Variants in DPP10 observed in about 807,000 individuals in gnomAD.
The protein encoded by DPP10 is inactive dipeptidyl peptidase 10.
A neutral mutation model predicts 120.9 loss-of-function variants in DPP10; 33 were observed. The ratio of observed to expected loss-of-function variants is 0.27; its 90% confidence interval spans 0.21 to 0.37. The LOEUF (loss-of-function observed/expected upper bound fraction) is 0.37. Ranked by LOEUF, DPP10 falls within the 10% of genes least tolerant of loss-of-function variation. The probability of loss-of-function intolerance (pLI) is 1.00; values close to 1 mark genes in which losing one functional copy is unlikely to be tolerated. For missense variants in DPP10, 816 were observed against 942.8 expected (o/e 0.87, Z 1.76); for synonymous variants, 337 against 326.1 (o/e 1.03, Z -0.36).
intron 12 of DPP10, among the ~76,000 whole-genome samples, chr2:115,767,828 A>G (rs1427266386): frequency 1.3e-5 from 2 of 152,152 alleles, no homozygotes; most frequent in Admixed American, 1.3e-4. Context: ...TGAATACATT[A>G]TCAGAAAAGA....
intron 1 of DPP10, among the ~76,000 whole-genome samples, chr2:115,040,983 G>A (rs1403126792): frequency 2.0e-5 from 3 of 152,038 alleles, no homozygotes; most frequent in South Asian, 4.2e-4. Context: ...GCCGGGCATT[G>A]TGGTGGGTGC....
intron 3 of DPP10, among the ~76,000 whole-genome samples, chr2:115,447,947 A>C (rs954126311): frequency 6.6e-6 from 1 of 152,216 alleles, no homozygotes; most frequent in Non-Finnish European, 1.5e-5. Context: ...TGATGATGAT[A>C]ATAAATAATA....
At chr2:115,514,621 T>A (rs2077404249) in intron 4 of DPP10, among the ~76,000 whole-genome samples, 1 of 151,850 alleles carries the variant, frequency 6.6e-6, no homozygotes. Context: ...TACATGTGGC[T>A]ACTTAATTTT....
intron 1 of DPP10, among the ~76,000 whole-genome samples, chr2:115,273,825 G>A (rs2059801484): frequency 1.3e-5 from 2 of 152,194 alleles, no homozygotes; most frequent in Admixed American, 1.3e-4. Flanking sequence ...TTGGAACGAG[G>A]CCAATTTAGT....
At chr2:115,371,592 A>G (rs963891230) in intron 3 of DPP10, among the ~76,000 whole-genome samples, 3 of 152,070 alleles carry the variant, frequency 2.0e-5, no homozygotes, top group Non-Finnish European at 4.4e-5. Flanking sequence ...CCATACTCTG[A>G]GTTACTTAAA....
At chr2:115,774,389 A>G (rs1335768640) in intron 13 of DPP10, among the ~76,000 whole-genome samples, 1 of 152,118 alleles carries the variant, frequency 6.6e-6, no homozygotes, top group Non-Finnish European at 1.5e-5. Context: ...TCAAAGATGC[A>G]CTAAAACCTT....
chr2:114,496,324 C>T (rs1423295956), intron 1 of DPP10, among the ~76,000 whole-genome samples: 1 of 152,136 alleles, frequency 6.6e-6, no homozygotes, highest in Non-Finnish European at 1.5e-5. Context: ...TTGGGGCCTA[C>T]ACCTCTAATG....
At chr2:114,677,069 A>G (rs1193025037) in intron 1 of DPP10, among the ~76,000 whole-genome samples, 1 of 152,128 alleles carries the variant, frequency 6.6e-6, no homozygotes, top group Non-Finnish European at 1.5e-5. Context: ...AGAGTCAATA[A>G]TCTTAGCTAC....
intron 1 of DPP10, among the ~76,000 whole-genome samples, chr2:114,608,045 C>T (rs1400192692): frequency 6.6e-6 from 1 of 152,202 alleles, no homozygotes; most frequent in Non-Finnish European, 1.5e-5. Flanking sequence ...TTTCAGCCAT[C>T]CCTGCAAATA....
At chr2:115,538,204 G>T (rs1575125991) in intron 5 of DPP10, among the ~76,000 whole-genome samples, 1 of 151,970 alleles carries the variant, frequency 6.6e-6, no homozygotes, top group South Asian at 2.1e-4. Context: ...GAAGTAAATT[G>T]CATGAAGACT....
chr2:115,734,977 G>A (rs974718135), intron 8 of DPP10, among the ~76,000 whole-genome samples: 1 of 152,154 alleles, frequency 6.6e-6, no homozygotes, highest in Admixed American at 6.5e-5. Flanking sequence ...AGGGGACACA[G>A]CAGTCACCTG....
chr2:114,707,240 A>T (rs896984353), intron 1 of DPP10: 2 of 152,206 alleles, frequency 1.3e-5, no homozygotes, highest in Non-Finnish European at 2.9e-5. Flanking sequence ...GACAATACTA[A>T]GAATGCATTA....
At chr2:114,584,499 C>G (rs1477082334) in intron 1 of DPP10, among the ~76,000 whole-genome samples, 2 of 150,668 alleles carry the variant, frequency 1.3e-5, no homozygotes, top group Non-Finnish European at 3.0e-5. Context: ...CACCCATTAA[C>G]TCGTCATTTA....
intron 1 of DPP10, among the ~76,000 whole-genome samples, chr2:114,860,160 C>T (rs1289765473): frequency 6.6e-6 from 1 of 152,190 alleles, no homozygotes; most frequent in African/African-American, 2.4e-5. Context: ...AATTAAGTCA[C>T]AAATTCCCTA....
intron 1 of DPP10, among the ~76,000 whole-genome samples, chr2:114,730,498 T>C (rs1291477128): frequency 6.6e-6 from 1 of 152,202 alleles, no homozygotes; most frequent in African/African-American, 2.4e-5. Context: ...AGTTGATCAG[T>C]TTTGCAGAGA....
chr2:115,418,226 T>G (rs1210418749), intron 3 of DPP10, among the ~76,000 whole-genome samples: 1 of 152,158 alleles, frequency 6.6e-6, no homozygotes, highest in East Asian at 1.9e-4. Flanking sequence ...TCTGGCCAGC[T>G]AAAAAGGAGA....
At chr2:114,692,593 G>A (rs973842309) in intron 1 of DPP10, among the ~76,000 whole-genome samples, 80 of 152,158 alleles carry the variant, frequency 5.3e-4, no homozygotes, top group African/African-American at 1.9e-3. Context: ...TATATATCAG[G>A]TCTGCTTGAT....
chr2:114,651,921 GT>G (rs1235232311), intron 1 of DPP10, among the ~76,000 whole-genome samples: 2 of 152,172 alleles, frequency 1.3e-5, no homozygotes, highest in Non-Finnish European at 2.9e-5. Context: ...ACATTTTAAT[GT>G]GCTTGCCCGG....
intron 1 of DPP10, among the ~76,000 whole-genome samples, chr2:114,730,383 T>G (rs1038779485): frequency 6.6e-6 from 1 of 152,196 alleles, no homozygotes; most frequent in Admixed American, 6.5e-5. Flanking sequence ...GGCTGGCTAT[T>G]CTCAGAGGCC....
Sources: gnomAD v4.1 joint callset for allele counts (sites outside exome capture counted in the v4.1 genomes callset) on GRCh38, gnomAD v4.1.1 for gene constraint, MANE v1.5 for transcripts, NCBI Gene and HGNC (gene_info 2026-07-23, HGNC 2026-07-21) for gene names.